Variants in PTPRN2 observed in about 807,000 individuals in gnomAD.
PTPRN2 encodes protein tyrosine phosphatase receptor type N2.
Under a neutral mutation model 118.8 loss-of-function variants are expected in PTPRN2, and 74 were observed. That is an observed-to-expected ratio of 0.62 (90% confidence interval 0.52 to 0.76). The LOEUF (loss-of-function observed/expected upper bound fraction) is 0.76. Ranked by LOEUF, PTPRN2 falls within the 30% of genes least tolerant of loss-of-function variation. The probability of loss-of-function intolerance (pLI) is 0.00; values close to 1 mark genes in which losing one functional copy is unlikely to be tolerated. For synonymous variants in PTPRN2, 641 were observed against 608.0 expected (o/e 1.05, Z -0.80); for missense variants, 1,481 against 1,394.4 (o/e 1.06, Z -0.99).
chr7:158,380,100 T>C (rs1350294151), intron 2 of PTPRN2, among the ~76,000 whole-genome samples: 1 of 152,102 alleles, frequency 6.6e-6, no homozygotes, highest in Non-Finnish European at 1.5e-5. Flanking sequence ...CAAGATCAGA[T>C]TTCAGTGGGG....
chr7:158,478,012 G>A (rs984003374), intron 2 of PTPRN2, among the ~76,000 whole-genome samples: 6 of 152,260 alleles, frequency 3.9e-5, no homozygotes, highest in Non-Finnish European at 5.9e-5. Context: ...GGTCAGCGGA[G>A]CAGGGACAGG....
At chr7:158,046,314 G>A (rs1011017659) in intron 11 of PTPRN2, among the ~76,000 whole-genome samples, 1 of 143,724 alleles carries the variant, frequency 7.0e-6, no homozygotes, top group Admixed American at 7.0e-5. Context: ...CTGCGATCCT[G>A]GCATCCTGAC....
chr7:157,594,722 C>T (rs1196271391), intron 17 of PTPRN2, among the ~76,000 whole-genome samples: 1 of 152,360 alleles, frequency 6.6e-6, no homozygotes, highest in East Asian at 1.9e-4. Flanking sequence ...ACCCCACCTG[C>T]CCTCTGCATG....
At chr7:158,223,501 G>T (rs1490057064) in intron 3 of PTPRN2, among the ~76,000 whole-genome samples, 1 of 152,028 alleles carries the variant, frequency 6.6e-6, no homozygotes, top group East Asian at 1.9e-4. Flanking sequence ...TGAAAGGCTG[G>T]TTCACTATTT....
Position 158,022,942 on chromosome 7 carries a change from G to A in PTPRN2, c.1723+58356C>T, listed in dbSNP as rs555414407. Among the ~76,000 whole-genome samples the A allele has an allele frequency of 2.6e-5, 4 of 152,234 alleles. No homozygotes were observed. Among genetic ancestry groups the A allele is most frequent in the Non-Finnish European group, 4.4e-5 (3 of 68,040 alleles). On this transcript the variant is annotated intron_variant, in intron 11 of 22. Coordinates refer to ENST00000389418, the MANE Select transcript of PTPRN2 (RefSeq NM_002847.5). This position sits in a 1 kb window ranked among gnomAD's most constrained non-coding sequence, Gnocchi z 4.6. ...CCTTGTTCTGCAGGGGATGGCAAGA[G>A]CAGGGTCGCCCTGGTGAGTCTGAAC...
chr7:157,896,234 C>T (rs1474943524), intron 12 of PTPRN2, among the ~76,000 whole-genome samples: 2 of 151,776 alleles, frequency 1.3e-5, no homozygotes, highest in African/African-American at 4.8e-5. Flanking sequence ...TCACAGGTGC[C>T]CAGCAGAGGA....
chr7:158,147,358 A>T (rs13223866), intron 6 of PTPRN2, among the ~76,000 whole-genome samples: 3 of 13,904 alleles, frequency 2.2e-4, no homozygotes, highest in Non-Finnish European at 2.3e-4. Flanking sequence ...CACGCCACGT[A>T]TCTTTCCCCC....
At chr7:158,018,918 C>A (rs982738637) in intron 11 of PTPRN2, among the ~76,000 whole-genome samples, 1 of 138,050 alleles carries the variant, frequency 7.2e-6, no homozygotes, top group African/African-American at 2.8e-5. Context: ...CGAGATCATG[C>A]GACTGCACTC....
chr7:158,232,228 G>A (rs1450781549), intron 3 of PTPRN2, among the ~76,000 whole-genome samples: 2 of 151,824 alleles, frequency 1.3e-5, no homozygotes, highest in East Asian at 3.8e-4. Flanking sequence ...AAGAAAAAAG[G>A]AAAGAAGATC....
chr7:158,324,696 G>A (rs1375235746), intron 2 of PTPRN2, among the ~76,000 whole-genome samples: 3 of 78,100 alleles, frequency 3.8e-5, no homozygotes, highest in East Asian at 3.5e-4. Context: ...AGTAAGGGTG[G>A]GGCTCTGCTG....
chr7:157,613,558 T>C (rs1159529059), intron 15 of PTPRN2, among the ~76,000 whole-genome samples: 1 of 152,098 alleles, frequency 6.6e-6, no homozygotes, highest in East Asian at 1.9e-4. Context: ...CAGGGCGGGC[T>C]CCTCGCTGAG....
chr7:158,065,316 C>T lies in PTPRN2; in HGVS notation c.1723+15982G>A, dbSNP rs1394743297. ...AGTTTTCTCAATGAGTTTCTTACCT[C>T]GCACCCTTCATGAAAACCAAGGACA... On this transcript the variant is annotated intron_variant, in intron 11 of 22. Transcript: ENST00000389418. Among the ~76,000 whole-genome samples the T allele has an allele frequency of 2.6e-5, 4 of 152,338 alleles. No individual in the cohort carries two copies. In the East Asian group the frequency reaches 5.8e-4, roughly 22 times the overall value.
chr7:158,306,956 T>C (rs981475593), intron 3 of PTPRN2, among the ~76,000 whole-genome samples: 1 of 146,052 alleles, frequency 6.8e-6, no homozygotes, highest in Non-Finnish European at 1.5e-5. Context: ...AACTTCTGCC[T>C]CCCAAGTTCA....
intron 2 of PTPRN2, among the ~76,000 whole-genome samples, chr7:158,319,528 C>CACACATGCACACAGCCTCCCTTGT: frequency 1.6e-4 from 1 of 6,376 alleles, no homozygotes; most frequent in Non-Finnish European, 3.4e-4. Context: ...CAGCCTCCCT[C>CACACATGCACACAGCCTCCCTTGT]ACACACACAG....
Position 157,621,502 on chromosome 7 carries a change from A to T in PTPRN2, c.2204T>A (p.Met735Lys), listed in dbSNP as rs949522338. ...ISTGHMILSY[M>K]EDHLKNKNRL... Reference sequence around the variant, plus strand: ...GTTCTTGTTCTTCAGGTGGTCCTCCATGTAGGACTGAAAGGGAAACACAGG... The same window carrying T: ...GTTCTTGTTCTTCAGGTGGTCCTCCTTGTAGGACTGAAAGGGAAACACAGG... Residue 735 changes from methionine (M) to lysine (K), a missense_variant, in exon 15 of 23, where the codon ATG becomes AAG. Physicochemically the swap from Met to Lys is moderately conservative, Grantham distance 95. This residue lies in a region of PTPRN2 where 362 missense variants were observed against 384.1 expected (regional missense o/e 0.94). Transcript: ENST00000389418. 5 of 1,612,986 alleles carry T rather than the reference A, an allele frequency of 3.1e-6. No individual in the cohort carries two copies. Among genetic ancestry groups the T allele is most frequent in the Non-Finnish European group, 4.2e-6 (5 of 1,180,028 alleles).
At position 157,619,889 on chromosome 7, in the gene PTPRN2, C is replaced by T. The variant is rs73744813; in HGVS notation, c.2344+1473G>A. Among the ~76,000 whole-genome samples the T allele has an allele frequency of 5.9e-3, 905 of 152,282 alleles. 9 individuals are homozygous for T. Among genetic ancestry groups the T allele is most frequent in the African/African-American group, 0.02 (815 of 41,556 alleles). ...AGGGACACCAGTCTGATCCCTTGAC[C>T]GGCTCCGAAGGGTTGAGGCAGGGAC... On this transcript the variant is annotated intron_variant, in intron 15 of 22. Coordinates refer to ENST00000389418, the MANE Select transcript of PTPRN2 (RefSeq NM_002847.5). This position sits in a 1 kb window ranked among gnomAD's most constrained non-coding sequence, Gnocchi z 5.3.
rs1814153028 is a variant in PTPRN2, at chr7:158,091,768, A to T, written c.1644-10391T>A. Among the ~76,000 whole-genome samples, 6 of 105,474 alleles carry T rather than the reference A, an allele frequency of 5.7e-5. 1 individual carries two copies. In the South Asian group the frequency reaches 1.4e-3, roughly 25 times the overall value. 69.2% of individuals were successfully genotyped at this position (105,474 alleles called of 152,430 possible). ...AAAGATAGGTGATGGATGGGTAGAG[A>T]GATGGTTGGGTGGGTGAAGGATAGG... On this transcript the variant is annotated intron_variant, in intron 10 of 22. Transcript: ENST00000389418.
Position 158,343,403 on chromosome 7 carries a change from C to T in PTPRN2, c.164-26471G>A, listed in dbSNP as rs540502924. On this transcript the variant is annotated intron_variant, in intron 2 of 22. Transcript: ENST00000389418. Reference sequence around the variant, plus strand: ...ATCAAAAAACGAAACGAAGCAAAACCGAAAATAACGCGTGTGGGTGAGAAC... The same window carrying T: ...ATCAAAAAACGAAACGAAGCAAAACTGAAAATAACGCGTGTGGGTGAGAAC... 5.8e-4 allele frequency among the ~76,000 whole-genome samples: 88 copies of T among 152,232 alleles called. No homozygotes were observed. In the South Asian group the frequency reaches 7.1e-3, roughly 12 times the overall value.
intron 12 of PTPRN2, among the ~76,000 whole-genome samples, chr7:157,738,007 C>T (rs1800401823): frequency 6.6e-6 from 1 of 152,220 alleles, no homozygotes; most frequent in Admixed American, 6.5e-5. Flanking sequence ...TCTTCTCATC[C>T]ATCTCCTGGT....
Sources: allele counts gnomAD v4.1 joint callset (sites outside exome capture counted in the v4.1 genomes callset), GRCh38; gene constraint gnomAD v4.1.1; regional missense constraint gnomAD v4.1.1; non-coding constraint Gnocchi (gnomAD v3.1); transcripts MANE v1.5; gene names NCBI Gene and HGNC (gene_info 2026-07-23, HGNC 2026-07-21).